The following MBP variants were observed in gnomAD, a reference collection of about 807,000 sequenced individuals.
The protein encoded by MBP is Golli-MBP.
In MBP, 16 loss-of-function variants were observed where a neutral mutation model predicts 35.8. The observed-to-expected ratio is 0.45, with a 90% CI of 0.30 to 0.68. The LOEUF (loss-of-function observed/expected upper bound fraction) is 0.68, where lower values mean the gene tolerates loss of function less well. Ranked by LOEUF, MBP falls within the 30% of genes least tolerant of loss-of-function variation. MBP has a pLI of 0.08. For missense variants in MBP, 380 were observed against 404.7 expected, an observed-to-expected ratio of 0.94 and a Z score of 0.52; for synonymous variants, 143 against 159.6, an observed-to-expected ratio of 0.90 and a Z score of 0.78.
At chr18:76,986,595 G>T (rs1326814310) in intron 7 of MBP, 2 of 985,604 alleles carry the variant, frequency 2.0e-6, no homozygotes, top group Middle Eastern at 1.0e-3. Flanking sequence ...GGTGAGGGAC[G>T]GGATGTGTGG....
intron 2 of MBP, among the ~76,000 whole-genome samples, chr18:77,104,713 CT>C (rs1436239889): frequency 1.3e-5 from 2 of 151,654 alleles, no homozygotes; most frequent in Admixed American, 1.3e-4. Context: ...TTGGAAATAC[CT>C]TTTTCTAAAA....
chr18:77,002,574 G>C lies in MBP; in HGVS notation c.577-12514C>G, dbSNP rs367722350. 4.3e-3 allele frequency among the ~76,000 whole-genome samples: 653 copies of C among 152,268 alleles called. 6 individuals carry two copies. The highest frequency in any genetic ancestry group is 0.015 in the African/African-American group (616 of 41,536). On this transcript the variant is annotated intron_variant, in intron 4 of 8. Coordinates refer to ENST00000355994, the MANE Select transcript of MBP (RefSeq NM_001025101.2). The stretch of plus-strand genomic sequence containing the variant: ...GCAAGGCGTCTTGGTTTTAAAACAC[G>C]AGGTGTGATCGTAAACCAAAAATAT...
chr18:77,118,593 C>T (rs555239780), intron 1 of MBP, among the ~76,000 whole-genome samples: 2 of 149,828 alleles, frequency 1.3e-5, no homozygotes, highest in African/African-American at 4.9e-5. Context: ...GCCCCACCCA[C>T]ACACACACTC....
At chr18:76,987,153 C>T in intron 7 of MBP, 1 of 985,460 alleles carries the variant, frequency 1.0e-6, no homozygotes, top group Non-Finnish European at 1.2e-6. Context: ...CCCATCGCTC[C>T]ACATTCAGGG....
At chr18:76,980,492 G>A in intron 8 of MBP, 21 bp from the exon 9 acceptor site, 1 of 1,609,424 alleles carries the variant, frequency 6.2e-7, no homozygotes, top group Admixed American at 1.7e-5. Context: ...AGAGAGAGGA[G>A]TTAGGACGAG....
chr18:77,122,541 C>CT (rs1275788797), intron 1 of MBP, among the ~76,000 whole-genome samples: 1 of 152,162 alleles, frequency 6.6e-6, no homozygotes, highest in South Asian at 2.1e-4. Flanking sequence ...TTGTTTCTTT[C>CT]TTTTCTTTAA....
intron 4 of MBP, among the ~76,000 whole-genome samples, chr18:77,008,714 T>A (rs368214493): frequency 7.2e-5 from 11 of 152,132 alleles, no homozygotes; most frequent in South Asian, 2.1e-4. Flanking sequence ...GGACTGGCCA[T>A]CCCGGGGCCA....
At chr18:77,049,335 A>G (rs1973388481) in intron 3 of MBP, among the ~76,000 whole-genome samples, 1 of 152,232 alleles carries the variant, frequency 6.6e-6, no homozygotes, top group Non-Finnish European at 1.5e-5. Context: ...CAAAATAATA[A>G]AAAGCCTTGA....
chr18:77,043,336 A>G (rs1366915399), intron 3 of MBP, among the ~76,000 whole-genome samples: 1 of 152,258 alleles, frequency 6.6e-6, no homozygotes, highest in East Asian at 1.9e-4. Context: ...ATGAAAATAA[A>G]TTAATAAACA....
At chr18:77,011,572 G>A (rs906125852) in intron 4 of MBP, among the ~76,000 whole-genome samples, 2 of 152,294 alleles carry the variant, frequency 1.3e-5, no homozygotes, top group East Asian at 3.9e-4. Context: ...TTCAGGAAAT[G>A]CAACCTGTAA....
intron 2 of MBP, among the ~76,000 whole-genome samples, chr18:77,081,689 C>T (rs908805131): frequency 6.6e-6 from 1 of 151,456 alleles, no homozygotes; most frequent in Non-Finnish European, 1.5e-5. Flanking sequence ...CCTAAGAATA[C>T]ACCCAAGAGA....
At chr18:76,996,219 A>C (rs1465037024) in intron 4 of MBP, among the ~76,000 whole-genome samples, 1 of 152,228 alleles carries the variant, frequency 6.6e-6, no homozygotes, top group African/African-American at 2.4e-5. Context: ...ACTCCTTGAA[A>C]CAATTTGGTA....
At chr18:77,082,289 G>A (rs559506074) in intron 2 of MBP, among the ~76,000 whole-genome samples, 8 of 152,294 alleles carry the variant, frequency 5.3e-5, no homozygotes, top group South Asian at 2.1e-4. Context: ...GGACTGGTAC[G>A]TGCTACACCA....
At chr18:76,998,343 ACC>A (rs1970435983) in intron 4 of MBP, among the ~76,000 whole-genome samples, 1 of 31,016 alleles carries the variant, frequency 3.2e-5, no homozygotes, top group African/African-American at 9.0e-5. Context: ...ATCCCCTTCC[ACC>A]TTCCACCGTT....
rs1436523568 is a variant in MBP at position 77,131,022 on chromosome 18, C to CCA, written c.-26+1556_-26+1557dup. On this transcript the variant is annotated intron_variant, in intron 1 of 8. Coordinates refer to ENST00000355994, the MANE Select transcript of MBP (RefSeq NM_001025101.2). The surrounding 1 kb of genome is among the most constrained non-coding windows in gnomAD (Gnocchi z 5.5). ...CTTTTCCCTCAGATTTCTGTTTTTC[C>CCA]CACAAAAAAAAAAAAAAAACAAAAC... Among the ~76,000 whole-genome samples, 3 of 95,868 alleles carry CCA rather than the reference C, an allele frequency of 3.1e-5. No individual in the cohort carries two copies. Among genetic ancestry groups the CCA allele is most frequent in the South Asian group, 3.2e-4 (1 of 3,096 alleles). The allele number at this position is 95,868 out of a possible 152,430, so 62.9% of individuals were successfully genotyped here.
intron 1 of MBP, among the ~76,000 whole-genome samples, chr18:77,124,934 T>G (rs1439078276): frequency 6.6e-6 from 1 of 152,340 alleles, no homozygotes; most frequent in East Asian, 1.9e-4. Context: ...CCTCAAGTCA[T>G]GGGCTCAAGA....
intron 2 of MBP, among the ~76,000 whole-genome samples, chr18:77,098,804 G>C (rs182222308): frequency 1.4e-4 from 21 of 152,334 alleles, no homozygotes; most frequent in African/African-American, 5.1e-4. Context: ...GCCCTAAACG[G>C]CCTCTGAGTC....
intron 1 of MBP, among the ~76,000 whole-genome samples, chr18:77,125,808 G>T (rs1447415783): frequency 6.6e-6 from 1 of 151,696 alleles, no homozygotes; most frequent in Non-Finnish European, 1.5e-5. Context: ...AGTGCTGAGA[G>T]GGAATTCATA....
At chr18:76,991,580 CG>C (rs949037545) in intron 4 of MBP, among the ~76,000 whole-genome samples, 2 of 152,148 alleles carry the variant, frequency 1.3e-5, no homozygotes, top group African/African-American at 4.8e-5. Flanking sequence ...GAAAGGGACT[CG>C]GGGGAGCTTG....
Sources: gnomAD v4.1 joint callset for allele counts (sites outside exome capture counted in the v4.1 genomes callset) on GRCh38, gnomAD v4.1.1 for gene constraint, Gnocchi (gnomAD v3.1) non-coding constraint, MANE v1.5 for transcripts, NCBI Gene and HGNC (gene_info 2026-07-23, HGNC 2026-07-21) for gene names.